The following IFT52 variants were observed in gnomAD, a reference collection of about 807,000 sequenced individuals.
IFT52 encodes intraflagellar transport protein 52 homolog.
Under a neutral mutation model 54.4 loss-of-function variants are expected in IFT52, and 44 were observed. The observed-to-expected ratio is 0.81, with a 90% confidence interval of 0.63 to 1.04. IFT52 has a LOEUF of 1.04. Among genes scored for constraint, IFT52 ranks in the 50% least tolerant of loss-of-function variants. The pLI is 0.00. For synonymous variants in IFT52, 181 were observed against 185.3 expected, an observed-to-expected ratio of 0.98 and a Z score of 0.19; for missense variants, 452 against 523.6, an observed-to-expected ratio of 0.86 and a Z score of 1.33.
intron 3 of IFT52, among the ~76,000 whole-genome samples, chr20:43,599,959 C>G (rs1306815967): frequency 1.3e-5 from 2 of 151,970 alleles, no homozygotes; most frequent in African/African-American, 4.8e-5. Context: ...AACCCACCAC[C>G]ATTAAAAAAG....
intron 2 of IFT52, among the ~76,000 whole-genome samples, chr20:43,595,205 C>T (rs982971733): frequency 1.3e-5 from 2 of 151,384 alleles, no homozygotes; most frequent in Non-Finnish European, 2.9e-5. Context: ...GTAATCCCAG[C>T]TCCTTGGGAG....
At chr20:43,594,864 G>A in intron 2 of IFT52, 47 bp downstream of exon 2, 1 of 950,922 alleles carries the variant, frequency 1.1e-6, no homozygotes, top group Non-Finnish European at 1.7e-6. Flanking sequence ...ATATTGTCCT[G>A]CTGATAAAGC....
In IFT52 at chr20:43,642,557, A is replaced by C; in HGVS notation, c.1199A>C (p.Gln400Pro). 1.9e-6 allele frequency: 3 copies of C among 1,614,202 alleles called. No homozygotes were observed. Among genetic ancestry groups the C allele is most frequent in the Non-Finnish European group, 2.5e-6 (3 of 1,180,018 alleles). ...GTAACCAGTAAACTACCAAAGGACC[A>C]ACAGGATGCCAAACATATCCTTGAG... ...LGVTSKLPKDQQDAKHILEHV... is the reference protein window; with the variant it reads ...LGVTSKLPKDPQDAKHILEHV... The change falls in exon 13 of 14, where the codon CAA (glutamine) becomes CCA (proline). Residue 400 changes from glutamine to proline, a missense_variant. Coordinates refer to ENST00000373030, the MANE Select transcript of IFT52 (RefSeq NM_016004.5).
At chr20:43,618,342 C>G (rs1250693208) in intron 7 of IFT52, 1 of 151,552 alleles carries the variant, frequency 6.6e-6, no homozygotes, top group African/African-American at 2.4e-5. Context: ...TCCCAAGTAG[C>G]TAGGACTACA....
At chr20:43,632,107 T>C (rs1302133803) in intron 10 of IFT52, among the ~76,000 whole-genome samples, 6 of 151,430 alleles carry the variant, frequency 4.0e-5, no homozygotes, top group Middle Eastern at 3.4e-3. Flanking sequence ...GTATTTTTAG[T>C]AGAGACGGGG....
At chr20:43,621,385 T>A (rs1984291527) in intron 9 of IFT52, among the ~76,000 whole-genome samples, 1 of 152,204 alleles carries the variant, frequency 6.6e-6, no homozygotes, top group Non-Finnish European at 1.5e-5. Context: ...CACAGTGAAA[T>A]CACCACCGGC....
intron 6 of IFT52, 190 bp downstream of exon 6, chr20:43,605,263 A>G: frequency 7.5e-7 from 1 of 1,339,212 alleles, no homozygotes; most frequent in Non-Finnish European, 9.6e-7. Flanking sequence ...TATAGTATTT[A>G]GGCCCAGCAT....
At chr20:43,636,323 C>G (rs1401249123) in intron 11 of IFT52, among the ~76,000 whole-genome samples, 1 of 152,198 alleles carries the variant, frequency 6.6e-6, no homozygotes, top group Non-Finnish European at 1.5e-5. Flanking sequence ...AAACTTTGTA[C>G]TGCCATTCCA....
In IFT52 at chr20:43,636,005, C is replaced by T; in HGVS notation, c.1003C>T (p.Gln335Ter). 1 of 1,614,176 alleles carries T rather than the reference C, an allele frequency of 6.2e-7. No individual in the cohort carries two copies. Among genetic ancestry groups the T allele is most frequent in the African/African-American group, 1.3e-5 (1 of 75,074 alleles). The change falls in exon 11 of 14, where the codon CAG (glutamine) becomes TAG (stop). Residue 335 changes from glutamine to a stop codon, truncating the protein, a stop_gained. Coordinates refer to ENST00000373030, the MANE Select transcript of IFT52 (RefSeq NM_016004.5). LOFTEE classifies it high-confidence loss of function. The part of the protein sequence containing the change: ...PQFETPLPTL[Q>*]PAVFPPSFRE... ...GTTTGAGACGCCGCTGCCAACCCTT[C>T]AGCCTGCGGTGAGTAGGTGTGCTTG...
chr20:43,639,699 T>G (rs1478356716), intron 12 of IFT52, among the ~76,000 whole-genome samples: 1 of 151,544 alleles, frequency 6.6e-6, no homozygotes, highest in Non-Finnish European at 1.5e-5. Context: ...AGTAGCCAGG[T>G]GCGGTGACGC....
intron 10 of IFT52, among the ~76,000 whole-genome samples, chr20:43,631,554 A>G (rs890883909): frequency 7.9e-5 from 12 of 152,264 alleles, no homozygotes; most frequent in African/African-American, 2.7e-4. Flanking sequence ...CTGGATGACA[A>G]TATTTTACTT....
chr20:43,642,655 G>A (rs763750953), intron 13 of IFT52, 31 bp downstream of exon 13: 11 of 1,607,342 alleles, frequency 6.8e-6, no homozygotes, highest in South Asian at 1.1e-5. Context: ...AGTGTAGTGG[G>A]AGCCCCTCCA....
chr20:43,607,752 G>A (rs1006872269), intron 6 of IFT52, among the ~76,000 whole-genome samples: 10 of 151,968 alleles, frequency 6.6e-5, no homozygotes, highest in African/African-American at 1.9e-4. Flanking sequence ...GGTGGCGGCC[G>A]GGCAGAGGCT....
chr20:43,596,736 CTTTTTTTT>C (rs59960911), intron 3 of IFT52, among the ~76,000 whole-genome samples: 31 of 75,912 alleles, frequency 4.1e-4, no homozygotes, highest in Middle Eastern at 7.8e-3. Context: ...AGCCACACTT[CTTTTTTTT>C]TTTTTTTTTT....
chr20:43,627,790 ACTC>A (rs1163996291), intron 10 of IFT52, among the ~76,000 whole-genome samples: 1 of 151,598 alleles, frequency 6.6e-6, no homozygotes, highest in East Asian at 1.9e-4. Context: ...CTGGTCTGGA[ACTC>A]CTGGGCTCAA....
intron 10 of IFT52, among the ~76,000 whole-genome samples, chr20:43,627,891 T>C (rs1984845425): frequency 6.7e-6 from 1 of 149,692 alleles, no homozygotes; most frequent in Admixed American, 6.7e-5. Flanking sequence ...ATTTTTATTA[T>C]GTCATATATA....
chr20:43,608,420 G>T (rs890675162), intron 6 of IFT52, among the ~76,000 whole-genome samples: 2 of 152,050 alleles, frequency 1.3e-5, no homozygotes, highest in African/African-American at 4.8e-5. Context: ...TTAGTGCATA[G>T]GATGACCTTT....
chr20:43,635,788 G>A, intron 10 of IFT52, 138 bp from the exon 11 acceptor site: 1 of 674,464 alleles, frequency 1.5e-6, no homozygotes, highest in South Asian at 1.8e-5. Flanking sequence ...ACCCAGTAAT[G>A]GGATTGCTGG....
chr20:43,638,017 A>G (rs1985660814), intron 12 of IFT52, among the ~76,000 whole-genome samples: 1 of 152,154 alleles, frequency 6.6e-6, no homozygotes, highest in African/African-American at 2.4e-5. Context: ...ATGAGGCCCC[A>G]GGCCACACAG....
Sources: allele counts gnomAD v4.1 joint callset (sites outside exome capture counted in the v4.1 genomes callset), GRCh38; gene constraint gnomAD v4.1.1; transcripts MANE v1.5; gene names NCBI Gene and HGNC (gene_info 2026-07-23, HGNC 2026-07-21).